UTP20: variants seen among roughly 807,000 people sequenced by gnomAD.
UTP20 encodes the protein UTP20 small subunit processome component.
A neutral mutation model predicts 329.5 loss-of-function variants in UTP20; 164 were observed. That is an observed-to-expected ratio of 0.50 (90% confidence interval 0.44 to 0.57). UTP20 has a LOEUF of 0.57. UTP20 is among the 20% of genes least tolerant of loss of function. UTP20 has a pLI of 0.00. For missense variants in UTP20, 3,055 were observed against 3,284.2 expected (o/e 0.93, Z 1.71); for synonymous variants, 1,151 against 1,159.3 (o/e 0.99, Z 0.14).
chr12:101,342,751 A>G (rs376215451), intron 33 of UTP20, 36 bp from the exon 34 acceptor site: 10 of 1,597,052 alleles, frequency 6.3e-6, no homozygotes, highest in Non-Finnish European at 7.7e-6. Context: ...TTAAAGTTTT[A>G]TTCACTGATA....
At position 101,302,484 on chromosome 12, in the gene UTP20, TAC is replaced by T; in HGVS notation, c.1713_1714del (p.Leu572LysfsTer7). 2 of 1,610,940 alleles carry T rather than the reference TAC, an allele frequency of 1.2e-6. No individual in the cohort carries two copies. The highest frequency in any genetic ancestry group is 1.7e-6 in the Non-Finnish European group (2 of 1,179,256). ...GTTCTTTGTCAAGCTGTAAATACTC[TAC>T]TAAGTTTGGAAGAATCTTCTGAACT... On this transcript the variant is annotated frameshift_variant, in exon 15 of 62. Transcript: ENST00000261637. LOFTEE classifies it high-confidence loss of function.
At chr12:101,291,601 C>G (rs561057598) in intron 8 of UTP20, 141 bp from the exon 9 acceptor site, 2 of 558,534 alleles carry the variant, frequency 3.6e-6, no homozygotes, top group East Asian at 4.2e-5. Flanking sequence ...TAGCTGTTAT[C>G]GTTAGTGAGT....
intron 14 of UTP20, among the ~76,000 whole-genome samples, chr12:101,300,689 T>G (rs979144100): frequency 2.2e-4 from 34 of 152,360 alleles, no homozygotes; most frequent in African/African-American, 7.7e-4. Flanking sequence ...ATATTTTGTT[T>G]TATTCTAATG....
At chr12:101,311,826 C>G (rs374902937) in intron 20 of UTP20, 28 bp downstream of exon 20, 201 of 1,588,240 alleles carry the variant, frequency 1.3e-4, no homozygotes, top group Admixed American at 1.9e-4. Context: ...GAGGAAGCTG[C>G]GAAGAAAAGT....
At chr12:101,326,517 TTATTTA>T (rs1868562204) in intron 25 of UTP20, among the ~76,000 whole-genome samples, 1 of 99,704 alleles carries the variant, frequency 1.0e-5, no homozygotes, top group East Asian at 9.3e-4. Context: ...TTCCTTTTAT[TTATTTA>T]TATTTATGTG....
At chr12:101,341,347 A>G (rs1010058988) in intron 32 of UTP20, among the ~76,000 whole-genome samples, 12 of 152,056 alleles carry the variant, frequency 7.9e-5, no homozygotes, top group Admixed American at 2.0e-4. Context: ...ATATTCAGAC[A>G]CAGCTAAGTG....
chr12:101,369,007 T>G (rs1870192392), intron 48 of UTP20, among the ~76,000 whole-genome samples: 1 of 152,216 alleles, frequency 6.6e-6, no homozygotes, highest in African/African-American at 2.4e-5. Context: ...GCCTTAGAGG[T>G]TCAGGGATCT....
chr12:101,371,407 T>C (rs1870283369), intron 51 of UTP20, among the ~76,000 whole-genome samples: 1 of 151,574 alleles, frequency 6.6e-6, no homozygotes, highest in Non-Finnish European at 1.5e-5. Flanking sequence ...AGTAGAGGCT[T>C]GAGGTGAGTG....
intron 37 of UTP20, 76 bp from the exon 38 acceptor site, chr12:101,346,374 GA>G: frequency 5.4e-6 from 8 of 1,469,226 alleles, no homozygotes; most frequent in Non-Finnish European, 5.4e-6. Flanking sequence ...TTTATGAAAA[GA>G]GAATACGATA....
At chr12:101,326,164 A>G (rs1324190119) in intron 25 of UTP20, among the ~76,000 whole-genome samples, 1 of 152,184 alleles carries the variant, frequency 6.6e-6, no homozygotes, top group African/African-American at 2.4e-5. Context: ...GGAACGATTA[A>G]TCTGTATTAA....
In UTP20 at chr12:101,364,783, T is replaced by C. The variant is rs1179963228; in HGVS notation, c.5959-676T>C. Among the ~76,000 whole-genome samples the C allele has an allele frequency of 2.6e-5, 4 of 152,230 alleles. No homozygotes were observed. The East Asian group carries it at 7.7e-4, about 29-fold the overall frequency. On this transcript the variant is annotated intron_variant, in intron 45 of 61. Transcript: ENST00000261637. ...TACTCCTAGAATGCATTTAGTTTTA[T>C]GTGAGCCTTATCTAAGAATGTTAGA...
At chr12:101,373,350 A>T in intron 52 of UTP20, 51 bp from the exon 53 acceptor site, 1 of 1,501,356 alleles carries the variant, frequency 6.7e-7, no homozygotes, top group South Asian at 1.2e-5. Context: ...TTAAATAATT[A>T]TTTGTAAATT....
At position 101,355,121 on chromosome 12, in the gene UTP20, A is replaced by C; in HGVS notation, c.5394+3A>C. On this transcript the variant is annotated splice_donor_region_variant and intron_variant, in intron 41 of 61. Coordinates refer to ENST00000261637, the MANE Select transcript of UTP20 (RefSeq NM_014503.3). ...TACATAAATGCCTTGCATCTACGGT[A>C]ATAAATTTATTCGGGGTCCAGCAGG... is the stretch of plus-strand genomic sequence containing the variant. 1 of 1,610,652 alleles carries C rather than the reference A, an allele frequency of 6.2e-7. No individual in the cohort carries two copies. The highest frequency in any genetic ancestry group is 8.5e-7 in the Non-Finnish European group (1 of 1,177,840).
intron 29 of UTP20, among the ~76,000 whole-genome samples, chr12:101,336,684 T>C (rs1868943880): frequency 6.6e-6 from 1 of 152,216 alleles, no homozygotes; most frequent in Non-Finnish European, 1.5e-5. Flanking sequence ...TGTATTCATC[T>C]ATCTTCATAA....
At chr12:101,330,754 C>A (rs1036656264) in intron 27 of UTP20, among the ~76,000 whole-genome samples, 12 of 152,186 alleles carry the variant, frequency 7.9e-5, no homozygotes, top group Non-Finnish European at 1.8e-4. Context: ...TTAGGAGTTA[C>A]TTAGTAATGC....
At chr12:101,378,817 G>A (rs1291710254) in intron 56 of UTP20, among the ~76,000 whole-genome samples, 1 of 152,148 alleles carries the variant, frequency 6.6e-6, no homozygotes, top group Non-Finnish European at 1.5e-5. Context: ...TTTGAGGGCT[G>A]TTTATACCCC....
chr12:101,327,008 C>T, intron 25 of UTP20, 73 bp from the exon 26 acceptor site: 5 of 1,466,130 alleles, frequency 3.4e-6, no homozygotes, highest in Non-Finnish European at 4.6e-6. Flanking sequence ...GCTCTTCTAG[C>T]CTTTTAGGCA....
At position 101,333,265 on chromosome 12, in the gene UTP20, T is replaced by C. The variant is rs1322556844; in HGVS notation, c.3418-36T>C. ...AGGAATCAGGGATAAAAATGATACATATGTATTTTTTGAACAGAAGATCTT... is the reference window on the plus strand; with the variant it reads ...AGGAATCAGGGATAAAAATGATACACATGTATTTTTTGAACAGAAGATCTT... On this transcript the variant is annotated intron_variant, in intron 27 of 61. Coordinates refer to ENST00000261637, the MANE Select transcript of UTP20 (RefSeq NM_014503.3). 3.8e-6 allele frequency: 6 copies of C among 1,599,770 alleles called. No individual in the cohort carries two copies. The African/African-American group carries it at 6.7e-5, about 18-fold the overall frequency.
At chr12:101,293,920 C>G (rs973145184) in intron 11 of UTP20, among the ~76,000 whole-genome samples, 1 of 152,108 alleles carries the variant, frequency 6.6e-6, no homozygotes, top group African/African-American at 2.4e-5. Context: ...CCAAATACTG[C>G]TTACACGTCT....
Sources: gnomAD v4.1 joint callset for allele counts (sites outside exome capture counted in the v4.1 genomes callset) on GRCh38, gnomAD v4.1.1 for gene constraint, MANE v1.5 for transcripts, NCBI Gene and HGNC (gene_info 2026-07-23, HGNC 2026-07-21) for gene names.